TCP11L1: variants seen among roughly 807,000 people sequenced by gnomAD.
The protein encoded by TCP11L1 is T-complex protein 11-like protein 1.
Under a neutral mutation model 48.9 loss-of-function variants are expected in TCP11L1, and 28 were observed. The observed-to-expected ratio is 0.57, with a 90% CI of 0.42 to 0.78. TCP11L1 has a LOEUF of 0.78. TCP11L1 is among the 30% of genes least tolerant of loss of function. The pLI is 0.00. For missense variants in TCP11L1, 505 were observed against 613.4 expected (o/e 0.82, Z 1.87); for synonymous variants, 204 against 231.9 (o/e 0.88, Z 1.09).
intron 3 of TCP11L1, among the ~76,000 whole-genome samples, chr11:33,054,981 G>A (rs1854268303): frequency 6.6e-6 from 1 of 152,202 alleles, no homozygotes; most frequent in Non-Finnish European, 1.5e-5. Context: ...TCACTTCTTT[G>A]AAACTATCAC....
chr11:33,043,066 A>G (rs1853886425), intron 1 of TCP11L1, among the ~76,000 whole-genome samples: 1 of 151,964 alleles, frequency 6.6e-6, no homozygotes, highest in South Asian at 2.1e-4. Flanking sequence ...ACTCTGTCTC[A>G]AAACAAAACA....
chr11:33,067,998 C>T (rs1186287092), intron 8 of TCP11L1, among the ~76,000 whole-genome samples: 1 of 151,988 alleles, frequency 6.6e-6, no homozygotes, highest in Non-Finnish European at 1.5e-5. Flanking sequence ...GTGATCTCGG[C>T]GTCCACTTCC....
At chr11:33,066,141 T>C (rs1427256649) in intron 8 of TCP11L1, 130 bp downstream of exon 8, 5 of 1,220,588 alleles carry the variant, frequency 4.1e-6, no homozygotes, top group Admixed American at 2.4e-5. Context: ...GAAACCTTGC[T>C]GTCTCAGTTG....
Position 33,058,149 on chromosome 11 carries a change from T to C in TCP11L1, c.638+10T>C. On this transcript the variant is annotated intron_variant, in intron 5 of 9. Coordinates refer to ENST00000334274, the MANE Select transcript of TCP11L1 (RefSeq NM_018393.4). ...TAGTGCCCCTTTTCAGGTATGGAAA[T>C]ATGTTAATCATACTCCGTGCAACTA... 6.2e-7 allele frequency: 1 copy of C among 1,605,646 alleles called. No homozygotes were observed. Among genetic ancestry groups the C allele is most frequent in the South Asian group, 1.1e-5 (1 of 90,344 alleles).
intron 8 of TCP11L1, among the ~76,000 whole-genome samples, chr11:33,067,344 C>T (rs1048119507): frequency 3.3e-5 from 5 of 152,232 alleles, no homozygotes; most frequent in African/African-American, 9.6e-5. Flanking sequence ...ACCCCCTAAA[C>T]ATTCTCATCC....
rs776303283 is a variant in TCP11L1, at chr11:33,068,848, G to A, written c.1316G>A (p.Arg439His). The change falls in exon 9 of 10, where the codon CGC becomes CAC. Residue 439 changes from arginine to histidine, a missense_variant. Arg to His is a conservative substitution (Grantham distance 29). Coordinates refer to ENST00000334274, the MANE Select transcript of TCP11L1 (RefSeq NM_018393.4). ...QAVASPDDPIRRIMESRILTF... is the reference protein window; with the variant it reads ...QAVASPDDPIHRIMESRILTF... Reference sequence around the variant, plus strand: ...GTGGCCAGTCCCGATGACCCCATTCGCAGGATCATGGGTACGTTTGGGGAA... The same window carrying A: ...GTGGCCAGTCCCGATGACCCCATTCACAGGATCATGGGTACGTTTGGGGAA... 13 of 1,612,732 alleles carry A rather than the reference G, an allele frequency of 8.1e-6. No individual in the cohort carries two copies. Among genetic ancestry groups the A allele is most frequent in the East Asian group, 2.2e-5 (1 of 44,842 alleles).
chr11:33,068,898 T>C (rs754154304), intron 9 of TCP11L1, 39 bp downstream of exon 9: 1 of 1,595,426 alleles, frequency 6.3e-7, no homozygotes, highest in Non-Finnish European at 8.6e-7. Flanking sequence ...ATGTGCCCTC[T>C]GAGGGGCTGG....
intron 2 of TCP11L1, among the ~76,000 whole-genome samples, chr11:33,045,952 T>G (rs949919043): frequency 7.2e-5 from 11 of 152,374 alleles, no homozygotes; most frequent in Middle Eastern, 3.4e-3. Context: ...GTTCTGCTAC[T>G]TGAGATAATG....
Position 33,064,328 on chromosome 11 carries a change from T to C in TCP11L1, c.973-1502T>C, listed in dbSNP as rs1854550718. Among the ~76,000 whole-genome samples, 3 of 152,224 alleles carry C rather than the reference T, an allele frequency of 2.0e-5. No individual in the cohort carries two copies. In the South Asian group the frequency reaches 6.2e-4, roughly 32 times the overall value. Reference sequence around the variant, plus strand: ...CCGACGATGAGTCCTTGGGATTGTATTTGTATCAGCAGAGGATTCTCAATC... The same window carrying C: ...CCGACGATGAGTCCTTGGGATTGTACTTGTATCAGCAGAGGATTCTCAATC... On this transcript the variant is annotated intron_variant, in intron 7 of 9. Coordinates refer to ENST00000334274, the MANE Select transcript of TCP11L1 (RefSeq NM_018393.4).
chr11:33,055,874 G>A (rs1854293867), intron 3 of TCP11L1, among the ~76,000 whole-genome samples: 1 of 152,206 alleles, frequency 6.6e-6, no homozygotes, highest in African/African-American at 2.4e-5. Context: ...CTGGAGTACA[G>A]TGGCATGATC....
intron 1 of TCP11L1, among the ~76,000 whole-genome samples, chr11:33,041,766 A>C (rs1468760785): frequency 2.6e-5 from 4 of 152,142 alleles, no homozygotes; most frequent in Non-Finnish European, 5.9e-5. Context: ...CAAAAAAAAA[A>C]CAAAAAAACA....
intron 2 of TCP11L1, among the ~76,000 whole-genome samples, chr11:33,049,802 CTT>C (rs1209558793): frequency 6.6e-6 from 1 of 152,192 alleles, no homozygotes; most frequent in Non-Finnish European, 1.5e-5. Context: ...ATGCCTTCCT[CTT>C]ATCTCAACTG....
Position 33,072,785 on chromosome 11 carries a change from C to A in TCP11L1, c.*109C>A. 1.7e-6 allele frequency: 2 copies of A among 1,170,038 alleles called. No homozygotes were observed. The highest frequency in any genetic ancestry group is 2.5e-6 in the Non-Finnish European group (2 of 806,828). 72.5% of individuals were successfully genotyped at this position (1,170,038 alleles called of 1,614,324 possible). On this transcript the variant is annotated 3_prime_UTR_variant, in exon 10 of 10. Transcript: ENST00000334274. Reference sequence around the variant, plus strand: ...TATATAGTACATGTCTATTTAACAGCACCGATTCCAAAGGGAAGAATATTG... The same window carrying A: ...TATATAGTACATGTCTATTTAACAGAACCGATTCCAAAGGGAAGAATATTG...
At chr11:33,047,372 CTG>C (rs1854029475) in intron 2 of TCP11L1, among the ~76,000 whole-genome samples, 1 of 152,188 alleles carries the variant, frequency 6.6e-6, no homozygotes, top group African/African-American at 2.4e-5. Flanking sequence ...GATCAGTCAA[CTG>C]TAACTTAACA....
intron 2 of TCP11L1, among the ~76,000 whole-genome samples, chr11:33,050,803 G>T (rs1854137513): frequency 6.7e-6 from 1 of 148,754 alleles, no homozygotes; most frequent in South Asian, 2.1e-4. Context: ...AGATCGCAAA[G>T]ATTTCTATCT....
In TCP11L1 at chr11:33,054,800, G is replaced by C. The variant is rs1207495292; in HGVS notation, c.296+75G>C. The C allele has an allele frequency of 3.4e-6, 5 of 1,492,512 alleles. No individual in the cohort carries two copies. The African/African-American group carries it at 7.1e-5, about 21-fold the overall frequency. 92.5% of individuals were successfully genotyped at this position (1,492,512 alleles called of 1,614,324 possible). On this transcript the variant is annotated intron_variant, in intron 3 of 9. Transcript: ENST00000334274. ...AGTTTTGAAAATGTTTCCTTCAGTT[G>C]ATACCAATATATTCAAACGTATTTT...
At chr11:33,040,549 G>A (rs1853800639) in intron 1 of TCP11L1, 1 of 152,216 alleles carries the variant, frequency 6.6e-6, no homozygotes, top group Non-Finnish European at 1.5e-5. Context: ...ATACTTGTGG[G>A]TGTCTATTTG....
At position 33,042,836 on chromosome 11, in the gene TCP11L1, G is replaced by A. The variant is rs1853878585; in HGVS notation, c.-24-914G>A. On this transcript the variant is annotated intron_variant, in intron 1 of 9. Coordinates refer to ENST00000334274, the MANE Select transcript of TCP11L1 (RefSeq NM_018393.4). ...TAATCCCAGCACTTTGGGAGGCCAGGGCAGGTGGATCATGAGGTCAGGAGT... is the reference window on the plus strand; with the variant it reads ...TAATCCCAGCACTTTGGGAGGCCAGAGCAGGTGGATCATGAGGTCAGGAGT... Among the ~76,000 whole-genome samples the A allele has an allele frequency of 2.6e-5, 4 of 152,200 alleles. No individual in the cohort carries two copies. The South Asian group carries it at 8.3e-4, about 32-fold the overall frequency.
At chr11:33,056,115 A>G (rs1158411845) in intron 3 of TCP11L1, among the ~76,000 whole-genome samples, 2 of 151,424 alleles carry the variant, frequency 1.3e-5, no homozygotes, top group Non-Finnish European at 2.9e-5. Context: ...TGCGCCAGCC[A>G]TTGTTGTTTT....
Sources: gnomAD v4.1 joint callset for allele counts (sites outside exome capture counted in the v4.1 genomes callset) on GRCh38, gnomAD v4.1.1 for gene constraint, MANE v1.5 for transcripts, NCBI Gene and HGNC (gene_info 2026-07-23, HGNC 2026-07-21) for gene names.